Variants in LYRM1 observed in about 807,000 individuals in gnomAD.
LYRM1 encodes the protein LYR motif containing 1, also known as LYR motif-containing protein 1.
A neutral mutation model predicts 14.9 loss-of-function variants in LYRM1; 14 were observed. The observed-to-expected ratio is 0.94, with a 90% CI of 0.62 to 1.47. LYRM1 has a LOEUF of 1.47. Among genes scored for constraint, LYRM1 ranks in the 40% most tolerant of loss-of-function variants. The probability of loss-of-function intolerance (pLI) is 0.00; values close to 1 mark genes in which losing one functional copy is unlikely to be tolerated. For missense variants in LYRM1, 153 were observed against 149.9 expected, an observed-to-expected ratio of 1.02 and a Z score of -0.11; for synonymous variants, 43 against 56.2, an observed-to-expected ratio of 0.77 and a Z score of 1.05.
Position 20,924,135 on chromosome 16 carries a change from TCTG to T in LYRM1, c.*21_*23del, listed in dbSNP as rs768061650. ...TTCCTAATCTAGAGGAAAGTTTATT[TCTG>T]CAAATGATGAGCCAACTAGTTATTG... On this transcript the variant is annotated 3_prime_UTR_variant, in exon 4 of 4. Transcript: ENST00000567954. 88 of 1,382,758 alleles carry T rather than the reference TCTG, an allele frequency of 6.4e-5. No homozygotes were observed. The highest frequency in any genetic ancestry group is 8.9e-5 in the Non-Finnish European group (87 of 979,978). 85.7% of individuals were successfully genotyped at this position (1,382,758 alleles called of 1,614,324 possible).
In LYRM1 at chr16:20,920,949, T is replaced by TAAAC. The variant is rs879664481; in HGVS notation, c.252+737_252+738insACAA. On this transcript the variant is annotated intron_variant, in intron 3 of 3. Coordinates refer to ENST00000567954, the MANE Select transcript of LYRM1 (RefSeq NM_001128302.3). Reference sequence around the variant, plus strand: ...TTAAAATAAAAAAATTATATAAACTTAATACATTCAGAAAGTTAAGAAACA... The same window carrying TAAAC: ...TTAAAATAAAAAAATTATATAAACTTAAACAATACATTCAGAAAGTTAAGAAACA... 7.0e-3 allele frequency among the ~76,000 whole-genome samples: 931 copies of TAAAC among 133,384 alleles called. 9 individuals carry two copies. The highest frequency in any genetic ancestry group is 0.011 in the Non-Finnish European group (645 of 59,230). The allele number at this position is 133,384 out of a possible 152,430, so 87.5% of individuals were successfully genotyped here. A position where few individuals can be genotyped will look rare whatever the true frequency, so the allele number is the denominator to read the frequency against.
intron 1 of LYRM1, among the ~76,000 whole-genome samples, chr16:20,906,331 A>G (rs187795927): frequency 9.2e-5 from 14 of 152,334 alleles, no homozygotes; most frequent in Admixed American, 7.8e-4. Context: ...GAGGCTTCCT[A>G]TGGCAAAAAG....
In LYRM1 at chr16:20,901,496, G is replaced by A. The variant is rs2082050003; in HGVS notation, c.-1+607G>A. Among the ~76,000 whole-genome samples, 6 of 152,206 alleles carry A rather than the reference G, an allele frequency of 3.9e-5. No homozygotes were observed. ...GTTCAAAGGAGGCCACGGTTTTGCG[G>A]GGATCCGAGACAATGGGTTTTCTGG... On this transcript the variant is annotated intron_variant, in intron 1 of 3. Transcript: ENST00000567954. The surrounding 1 kb of genome is among the most constrained non-coding windows in gnomAD (Gnocchi z 4.6).
intron 1 of LYRM1, among the ~76,000 whole-genome samples, chr16:20,912,343 C>T (rs371511922): frequency 1.3e-5 from 2 of 151,940 alleles, no homozygotes; most frequent in South Asian, 2.1e-4. Flanking sequence ...AATCTCGGCT[C>T]ACTGCCAGCT....
At chr16:20,914,207 G>A (rs564061412) in intron 1 of LYRM1, among the ~76,000 whole-genome samples, 3 of 151,470 alleles carry the variant, frequency 2.0e-5, no homozygotes, top group African/African-American at 7.3e-5. Context: ...TAAAAGAGAG[G>A]TTGCAACCTG....
chr16:20,910,524 G>C (rs1352735335), intron 1 of LYRM1, among the ~76,000 whole-genome samples: 1 of 152,252 alleles, frequency 6.6e-6, no homozygotes, highest in Non-Finnish European at 1.5e-5. Flanking sequence ...TGCAGGGCTT[G>C]TGTATCAGAT....
rs1259676558 is a variant in LYRM1, at chr16:20,903,945, GA to G, written c.-1+3059del. Among the ~76,000 whole-genome samples the G allele has an allele frequency of 2.1e-5, 3 of 146,082 alleles. No homozygotes were observed. The Admixed American group carries it at 2.1e-4, about 10-fold the overall frequency. ...GACTTTTCGATTTGATATGAAGGGT[GA>G]AAGATCCTGGCTGGGGAGTTATGAA... On this transcript the variant is annotated intron_variant, in intron 1 of 3. Transcript: ENST00000567954.
In LYRM1 at chr16:20,924,236, T is replaced by C. The variant is rs2083352012; in HGVS notation, c.*120T>C. On this transcript the variant is annotated 3_prime_UTR_variant, in exon 4 of 4. Coordinates refer to ENST00000567954, the MANE Select transcript of LYRM1 (RefSeq NM_001128302.3). ...AAATGTCTTCTTAAAACCTCCACAA[T>C]TGATTCTCCCCCTGTGATGTAAACT... is the stretch of plus-strand genomic sequence containing the variant. The C allele has an allele frequency of 8.1e-6, 5 of 618,506 alleles. No individual in the cohort carries two copies. Among genetic ancestry groups the C allele is most frequent in the Non-Finnish European group, 1.5e-5 (5 of 343,460 alleles). The allele number at this position is 618,506 out of a possible 1,614,324, so 38.3% of individuals were successfully genotyped here.
At chr16:20,916,964 TC>T (rs2082933824) in intron 2 of LYRM1, among the ~76,000 whole-genome samples, 1 of 151,432 alleles carries the variant, frequency 6.6e-6, no homozygotes, top group Non-Finnish European at 1.5e-5. Context: ...ACGCCTGTAA[TC>T]CTACCACTTT....
intron 3 of LYRM1, among the ~76,000 whole-genome samples, chr16:20,923,490 CTG>C (rs1354778202): frequency 1.7e-5 from 2 of 118,096 alleles, no homozygotes; most frequent in Non-Finnish European, 1.8e-5. Flanking sequence ...CAGAGTGAAA[CTG>C]TGTCTCAAAA....
chr16:20,918,834 G>A (rs1166244806), intron 2 of LYRM1, among the ~76,000 whole-genome samples: 2 of 152,230 alleles, frequency 1.3e-5, no homozygotes, highest in Non-Finnish European at 2.9e-5. Context: ...CTTCTGAGAA[G>A]CACAGAGGTC....
At chr16:20,910,363 GGTCA>G (rs2082531229) in intron 1 of LYRM1, among the ~76,000 whole-genome samples, 3 of 152,084 alleles carry the variant, frequency 2.0e-5, no homozygotes, top group African/African-American at 7.2e-5. Context: ...GGGTTTTCTG[GGTCA>G]CCTGATGTTG....
intron 2 of LYRM1, among the ~76,000 whole-genome samples, chr16:20,919,305 G>A (rs1389896364): frequency 6.6e-6 from 1 of 152,120 alleles, no homozygotes; most frequent in Non-Finnish European, 1.5e-5. Flanking sequence ...CAGAAACCAT[G>A]GGGTTACTTT....
At position 20,907,203 on chromosome 16, in the gene LYRM1, T is replaced by G. The variant is rs528049353; in HGVS notation, c.-1+6314T>G. Reference sequence around the variant, plus strand: ...TACAGTGTATTTAAAAAGATATAAATCAGACCGTGTTACTCCAGCTTGCAT... The same window carrying G: ...TACAGTGTATTTAAAAAGATATAAAGCAGACCGTGTTACTCCAGCTTGCAT... On this transcript the variant is annotated intron_variant, in intron 1 of 3. Transcript: ENST00000567954. Among the ~76,000 whole-genome samples, 5 of 152,304 alleles carry G rather than the reference T, an allele frequency of 3.3e-5. No individual in the cohort carries two copies. The South Asian group carries it at 1.0e-3, about 32-fold the overall frequency.
chr16:20,915,818 T>C, intron 2 of LYRM1, 104 bp downstream of exon 2: 2 of 1,275,948 alleles, frequency 1.6e-6, no homozygotes, highest in Admixed American at 2.4e-5. Context: ...CGCACAGTCA[T>C]GGTGGCAGAA....
intron 1 of LYRM1, among the ~76,000 whole-genome samples, chr16:20,903,736 T>C (rs774370001): frequency 6.6e-6 from 1 of 151,754 alleles, no homozygotes; most frequent in African/African-American, 2.4e-5. Context: ...GAGGAAGCTG[T>C]CCTGAAGGCC....
intron 3 of LYRM1, among the ~76,000 whole-genome samples, chr16:20,923,470 G>A (rs2083299924): frequency 7.1e-6 from 1 of 140,988 alleles, no homozygotes; most frequent in East Asian, 2.0e-4. Context: ...CTGCACTCCA[G>A]CCTGGGTGAC....
chr16:20,915,781 T>A, intron 2 of LYRM1, 67 bp downstream of exon 2: 1 of 1,542,262 alleles, frequency 6.5e-7, no homozygotes. Context: ...TTTATTTCTT[T>A]TCGGTCTTTA....
chr16:20,910,047 G>T (rs1228205639), intron 1 of LYRM1, among the ~76,000 whole-genome samples: 1 of 152,200 alleles, frequency 6.6e-6, no homozygotes, highest in Admixed American at 6.5e-5. Context: ...GAAGCAGGAA[G>T]ATTTTCTGAG....
Sources: gnomAD v4.1 joint callset for allele counts (sites outside exome capture counted in the v4.1 genomes callset) on GRCh38, gnomAD v4.1.1 for gene constraint, Gnocchi (gnomAD v3.1) non-coding constraint, MANE v1.5 for transcripts, NCBI Gene and HGNC (gene_info 2026-07-23, HGNC 2026-07-21) for gene names.